Variants in SYTL2 observed in about 807,000 individuals in gnomAD.
SYTL2 encodes the protein synaptotagmin like 2.
Under a neutral mutation model 198.7 loss-of-function variants are expected in SYTL2, and 165 were observed. The observed-to-expected ratio is 0.83, with a 90% CI of 0.73 to 0.94. The LOEUF (loss-of-function observed/expected upper bound fraction) is 0.94, where lower values mean the gene tolerates loss of function less well. Ranked by LOEUF, SYTL2 falls within the 40% of genes least tolerant of loss-of-function variation. The pLI, the probability that SYTL2 is intolerant of heterozygous loss-of-function variation, is 0.00. For missense variants in SYTL2, 2,835 were observed against 2,582.8 expected, an observed-to-expected ratio of 1.10 and a Z score of -2.12; for synonymous variants, 966 against 917.7, an observed-to-expected ratio of 1.05 and a Z score of -0.95.
chr11:85,826,497 G>A, the SYTL2 span, among the ~76,000 whole-genome samples: 2 of 152,230 alleles, frequency 1.3e-5, no homozygotes, highest in Non-Finnish European at 2.9e-5. Context: ...GCCTGGTCTT[G>A]AGGCAATGTC....
At chr11:85,773,474 G>A (rs1388569577) in intron 1 of SYTL2, among the ~76,000 whole-genome samples, 1 of 152,224 alleles carries the variant, frequency 6.6e-6, no homozygotes, top group Non-Finnish European at 1.5e-5. Flanking sequence ...GTCGGAAGAT[G>A]AGTCTAGCCC....
chr11:85,740,518 G>A (rs1298209839), intron 4 of SYTL2, among the ~76,000 whole-genome samples: 1 of 152,126 alleles, frequency 6.6e-6, no homozygotes, highest in Non-Finnish European at 1.5e-5. Flanking sequence ...ATAAATCGGT[G>A]CATTATTTTT....
chr11:85,839,203 A>AT, the SYTL2 span, among the ~76,000 whole-genome samples: 3 of 152,124 alleles, frequency 2.0e-5, no homozygotes, highest in Non-Finnish European at 4.4e-5. Context: ...TGCATTCTTG[A>AT]TTTTTTTCAA....
chr11:85,831,710 C>T, the SYTL2 span, among the ~76,000 whole-genome samples: 28 of 152,082 alleles, frequency 1.8e-4, 1 homozygote, highest in African/African-American at 6.3e-4. Flanking sequence ...AAGATATATA[C>T]ATTAAATGTG....
At chr11:85,833,797 G>A in the SYTL2 span, among the ~76,000 whole-genome samples, 118 of 147,562 alleles carry the variant, frequency 8.0e-4, 2 homozygotes, top group African/African-American at 2.7e-3. Flanking sequence ...GTAGTGTAGT[G>A]GTACGATCGT....
At chr11:85,768,727 G>A (rs1017263871) in intron 1 of SYTL2, among the ~76,000 whole-genome samples, 2 of 152,190 alleles carry the variant, frequency 1.3e-5, no homozygotes, top group Admixed American at 6.5e-5. Context: ...ACCCCCTGCT[G>A]CAGAGACCTT....
intron 3 of SYTL2, 86 bp downstream of exon 3, chr11:85,748,186 A>T: frequency 7.1e-7 from 1 of 1,402,900 alleles, no homozygotes; most frequent in South Asian, 1.3e-5. Context: ...GATTTCCATC[A>T]GCAGATTTCT....
At chr11:85,764,679 A>T (rs1050345039) in intron 1 of SYTL2, among the ~76,000 whole-genome samples, 1 of 152,190 alleles carries the variant, frequency 6.6e-6, no homozygotes, top group Admixed American at 6.5e-5. Context: ...AAGGCATGGC[A>T]TGCTCTTCTA....
At chr11:85,835,438 AGCCAGG>A in the SYTL2 span, among the ~76,000 whole-genome samples, 11 of 152,246 alleles carry the variant, frequency 7.2e-5, no homozygotes, top group Non-Finnish European at 1.5e-4. Flanking sequence ...TGCAGTGTTG[AGCCAGG>A]TAGTATACTA....
At chr11:85,783,776 A>C (rs1230385164) in intron 1 of SYTL2, among the ~76,000 whole-genome samples, 2 of 152,216 alleles carry the variant, frequency 1.3e-5, no homozygotes, top group African/African-American at 2.4e-5. Context: ...TCCAGTGTCC[A>C]TGCTCTGTGC....
the SYTL2 span, among the ~76,000 whole-genome samples, chr11:85,832,812 T>C: frequency 6.6e-6 from 1 of 150,534 alleles, no homozygotes; most frequent in Non-Finnish European, 1.5e-5. Context: ...GGCAACATAG[T>C]GAGACCTTGT....
rs2086767055 is a variant in SYTL2, at chr11:85,714,118, A to G, written c.5625+295T>C. On this transcript the variant is annotated intron_variant, in intron 12 of 19. Transcript: ENST00000359152. Reference sequence around the variant, plus strand: ...TACTCCAAACTACAGAGGAATAATCAGTTCATATACCTTCCTGGATTTCTT... The same window carrying G: ...TACTCCAAACTACAGAGGAATAATCGGTTCATATACCTTCCTGGATTTCTT... Among the ~76,000 whole-genome samples, 5 of 152,378 alleles carry G rather than the reference A, an allele frequency of 3.3e-5. No homozygotes were observed. In the South Asian group the frequency reaches 8.3e-4, roughly 25 times the overall value.
At chr11:85,840,472 A>G in the SYTL2 span, among the ~76,000 whole-genome samples, 1 of 152,136 alleles carries the variant, frequency 6.6e-6, no homozygotes, top group East Asian at 1.9e-4. Context: ...TCTGCTATCC[A>G]ACTTCAAACT....
At chr11:85,728,947 T>C (rs1352850483) in intron 7 of SYTL2, among the ~76,000 whole-genome samples, 1 of 152,012 alleles carries the variant, frequency 6.6e-6, no homozygotes. Context: ...CATACTGGGG[T>C]TTAAGAACCG....
chr11:85,698,155 A>C (rs1321059173), intron 17 of SYTL2, 77 bp from the exon 18 acceptor site: 2 of 956,634 alleles, frequency 2.1e-6, no homozygotes, highest in African/African-American at 3.2e-5. Context: ...TGTCAGCCTA[A>C]AAATGTTCTG....
chr11:85,828,502 T>C, the SYTL2 span, among the ~76,000 whole-genome samples: 2 of 152,226 alleles, frequency 1.3e-5, no homozygotes, highest in African/African-American at 2.4e-5. Context: ...TGCATCCCTC[T>C]AAGATAAGGC....
chr11:85,710,496 A>G (rs1475003181), intron 13 of SYTL2, among the ~76,000 whole-genome samples: 2 of 152,252 alleles, frequency 1.3e-5, no homozygotes, highest in East Asian at 3.8e-4. Flanking sequence ...TGATACTCAG[A>G]TAAGTGTATG....
chr11:85,723,757 G>C (rs1385420688), intron 8 of SYTL2, among the ~76,000 whole-genome samples: 1 of 152,078 alleles, frequency 6.6e-6, no homozygotes, highest in Non-Finnish European at 1.5e-5. Context: ...TAATGCATTT[G>C]ATTAAAAAAT....
chr11:85,724,965 C>A lies in SYTL2; in HGVS notation c.4393G>T (p.Ala1465Ser). 6.2e-7 allele frequency: 1 copy of A among 1,613,650 alleles called. No individual in the cohort carries two copies. Among genetic ancestry groups the A allele is most frequent in the African/African-American group, 1.3e-5 (1 of 75,016 alleles). ...TTGCCATATTGAGCAACAATGGAAG[C>A]AAATGAGCTAAGCGTCTGGTCTGAT... ...SPSDQTLSSF[A>S]SIVAQYGKGL... Residue 1465 changes from alanine to serine, a missense_variant, in exon 8 of 20, where the codon GCT becomes TCT. Physicochemically the swap from Ala to Ser is moderately conservative, Grantham distance 99 (BLOSUM62 1). Transcript: ENST00000359152.
Sources: allele counts gnomAD v4.1 joint callset (sites outside exome capture counted in the v4.1 genomes callset), GRCh38; gene constraint gnomAD v4.1.1; transcripts MANE v1.5; gene names NCBI Gene and HGNC (gene_info 2026-07-23, HGNC 2026-07-21).